Variants in TGFBR2 observed in about 807,000 individuals in gnomAD.
TGFBR2 encodes transforming growth factor beta receptor 2.
TGFBR2 carries 18 observed loss-of-function variants against 49.0 expected under a neutral mutation model. That is an observed-to-expected ratio of 0.37 (90% CI 0.25 to 0.54). The LOEUF (loss-of-function observed/expected upper bound fraction) is 0.54. Ranked by LOEUF, TGFBR2 falls within the 20% of genes least tolerant of loss-of-function variation. The pLI is 0.85. For synonymous variants in TGFBR2, 282 were observed against 275.9 expected (o/e 1.02, Z -0.22); for missense variants, 525 against 722.6 (o/e 0.73, Z 3.13).
chr3:30,606,463 T>A (rs769931975), upstream of TGFBR2: 1 of 238,040 alleles, frequency 4.2e-6, no homozygotes, highest in Non-Finnish European at 8.3e-6. Flanking sequence ...CTAGGAAACA[T>A]GATTGGCAGC....
intron 2 of TGFBR2, among the ~76,000 whole-genome samples, chr3:30,647,957 A>G (rs1698797095): frequency 6.6e-6 from 1 of 152,168 alleles, no homozygotes; most frequent in African/African-American, 2.4e-5. Flanking sequence ...GATTACAGGC[A>G]TGAGCCACCG....
At chr3:30,648,443 CACACACACACACACACA>C (rs1698813980) in intron 2 of TGFBR2, among the ~76,000 whole-genome samples, 1 of 149,822 alleles carries the variant, frequency 6.7e-6, no homozygotes, top group African/African-American at 2.5e-5. Flanking sequence ...CACACACACA[CACACACACACACACACA>C]CAAAACTGTG....
chr3:30,655,281 G>A (rs1289447629), intron 3 of TGFBR2, among the ~76,000 whole-genome samples: 1 of 152,150 alleles, frequency 6.6e-6, no homozygotes, highest in African/African-American at 2.4e-5. Flanking sequence ...TAACACTGAA[G>A]TTTTGTAGTT....
At chr3:30,691,346 AG>A (rs1699705641) in intron 6 of TGFBR2, 73 bp from the exon 7 acceptor site, 1 of 1,543,846 alleles carries the variant, frequency 6.5e-7, no homozygotes, top group East Asian at 2.3e-5. Flanking sequence ...TATAGCAACA[AG>A]GTCAGCAGGC....
chr3:30,638,800 T>A (rs1340353553), intron 1 of TGFBR2, among the ~76,000 whole-genome samples: 1 of 152,202 alleles, frequency 6.6e-6, no homozygotes, highest in Non-Finnish European at 1.5e-5. Flanking sequence ...ACTTTCTTCT[T>A]TGTTCTGGGT....
At position 30,694,101 on chromosome 3, in the gene TGFBR2, AG is replaced by A. The variant is rs1699757010; in HGVS notation, c.*2504del. The A allele has an allele frequency of 4.4e-6, 1 of 229,446 alleles. No homozygotes were observed. 14.2% of individuals were successfully genotyped at this position (229,446 alleles called of 1,614,324 possible). The stretch of plus-strand genomic sequence containing the variant: ...TTAGATTGAATAAAGCAAAATACTC[AG>A]GTGAGCATCCTGCCTCCTGTTCCCA... On this transcript the variant is annotated 3_prime_UTR_variant, in exon 7 of 7. Coordinates refer to ENST00000295754, the MANE Select transcript of TGFBR2 (RefSeq NM_003242.6).
At chr3:30,656,284 G>A (rs1479454662) in intron 3 of TGFBR2, among the ~76,000 whole-genome samples, 1 of 152,180 alleles carries the variant, frequency 6.6e-6, no homozygotes, top group South Asian at 2.1e-4. Flanking sequence ...TGTTGTTCTG[G>A]TGTGGATCTT....
intron 6 of TGFBR2, among the ~76,000 whole-genome samples, chr3:30,689,557 G>T (rs1283303411): frequency 6.6e-6 from 1 of 152,178 alleles, no homozygotes; most frequent in African/African-American, 2.4e-5. Flanking sequence ...TCTGGTCTGT[G>T]CCAGTCCTGG....
At chr3:30,620,427 A>G (rs1039388100) in intron 1 of TGFBR2, among the ~76,000 whole-genome samples, 1 of 151,830 alleles carries the variant, frequency 6.6e-6, no homozygotes, top group African/African-American at 2.4e-5. Flanking sequence ...GTAAATGTCA[A>G]TGGCTTAAAG....
At chr3:30,652,676 A>G (rs1265935267) in intron 3 of TGFBR2, among the ~76,000 whole-genome samples, 2 of 152,290 alleles carry the variant, frequency 1.3e-5, no homozygotes, top group East Asian at 1.9e-4. Flanking sequence ...GGCTAAGCCA[A>G]AGGAATTAAT....
At chr3:30,633,973 A>C (rs556771804) in intron 1 of TGFBR2, among the ~76,000 whole-genome samples, 3 of 152,036 alleles carry the variant, frequency 2.0e-5, no homozygotes, top group African/African-American at 4.8e-5. Flanking sequence ...ATATGGTAGT[A>C]CTCTGGCCCT....
chr3:30,612,430 A>G (rs191641217), intron 1 of TGFBR2, among the ~76,000 whole-genome samples: 29 of 152,016 alleles, frequency 1.9e-4, no homozygotes, highest in South Asian at 8.3e-4. Context: ...GGGTGAATGG[A>G]TATCAGATTT....
chr3:30,669,867 A>G (rs1261488196), intron 3 of TGFBR2, among the ~76,000 whole-genome samples: 1 of 152,126 alleles, frequency 6.6e-6, no homozygotes, highest in African/African-American at 2.4e-5. Flanking sequence ...TACCCTTACT[A>G]TCTGCCCAAG....
rs2125455954 is a variant in TGFBR2, at chr3:30,691,664, C to T, written c.*65C>T. 6.3e-7 allele frequency: 1 copy of T among 1,595,170 alleles called. No individual in the cohort carries two copies. Among genetic ancestry groups the T allele is most frequent in the Non-Finnish European group, 8.6e-7 (1 of 1,163,916 alleles). ...CCCTCTCACCAAAGAACAGAGGCAG[C>T]AGGAAGCTGCCCCTGAACTGATGCT... On this transcript the variant is annotated 3_prime_UTR_variant, in exon 7 of 7. Transcript: ENST00000295754.
intron 5 of TGFBR2, among the ~76,000 whole-genome samples, chr3:30,685,276 CT>C (rs1353877695): frequency 6.6e-6 from 1 of 152,144 alleles, no homozygotes; most frequent in Non-Finnish European, 1.5e-5. Context: ...AATGTTCTTC[CT>C]GGTTTAGTAA....
chr3:30,669,764 A>G (rs17026123), intron 3 of TGFBR2, among the ~76,000 whole-genome samples: 30,978 of 152,178 alleles, frequency 0.2, 3,357 homozygotes, highest in Admixed American at 0.24. Flanking sequence ...TTGCCTGTCT[A>G]TGTCTGAAGC....
intron 6 of TGFBR2, 88 bp from the exon 7 acceptor site, chr3:30,691,332 T>A (rs1699705412): frequency 1.4e-6 from 2 of 1,468,830 alleles, no homozygotes; most frequent in Non-Finnish European, 1.9e-6. Flanking sequence ...CTGCTTGCAC[T>A]CACTATAGCA....
Position 30,694,001 on chromosome 3 carries a change from CTT to C in TGFBR2, c.*2406_*2407del, listed in dbSNP as rs1433349073. On this transcript the variant is annotated 3_prime_UTR_variant, in exon 7 of 7. Transcript: ENST00000295754. ...AATAGGAATGTGAATGCTATATACT[CTT>C]TTTATATCAAAAGTCTCAAGCACTT... The C allele has an allele frequency of 8.7e-6, 2 of 229,774 alleles. No individual in the cohort carries two copies. Among genetic ancestry groups the C allele is most frequent in the African/African-American group, 2.2e-5 (1 of 45,122 alleles). 14.2% of individuals were successfully genotyped at this position (229,774 alleles called of 1,614,324 possible).
chr3:30,617,673 G>A (rs1470632935), intron 1 of TGFBR2, among the ~76,000 whole-genome samples: 3 of 152,050 alleles, frequency 2.0e-5, no homozygotes, highest in African/African-American at 7.2e-5. Context: ...AAGGCCCAAA[G>A]CTTGAGCTCC....
Sources: allele counts gnomAD v4.1 joint callset (sites outside exome capture counted in the v4.1 genomes callset), GRCh38; gene constraint gnomAD v4.1.1; transcripts MANE v1.5; gene names NCBI Gene and HGNC (gene_info 2026-07-23, HGNC 2026-07-21).